The following WDFY4 variants were observed in gnomAD, a reference collection of about 807,000 sequenced individuals.
WDFY4 encodes WD repeat- and FYVE domain-containing protein 4.
Under a neutral mutation model 351.9 loss-of-function variants are expected in WDFY4, and 169 were observed. The ratio of observed to expected loss-of-function variants is 0.48; its 90% confidence interval spans 0.42 to 0.55. The LOEUF is 0.55. WDFY4 is among the 20% of genes least tolerant of loss of function. The pLI, the probability that WDFY4 is intolerant of heterozygous loss-of-function variation, is 0.00. For synonymous variants in WDFY4, 1,622 were observed against 1,574.6 expected (o/e 1.03, Z -0.71); for missense variants, 3,803 against 3,935.6 (o/e 0.97, Z 0.90).
At chr10:48,823,151 C>T (rs2067880807) in intron 35 of WDFY4, 2 of 1,300,080 alleles carry the variant, frequency 1.5e-6, no homozygotes, top group Non-Finnish European at 1.0e-6. Flanking sequence ...CTCAAAATTC[C>T]AGCATTGAAA....
intron 1 of WDFY4, among the ~76,000 whole-genome samples, chr10:48,687,601 A>T: frequency 7.0e-6 from 1 of 143,178 alleles, no homozygotes; most frequent in African/African-American, 2.6e-5. Context: ...CATTTATTTA[A>T]TAGGCCATTC....
rs529430475 is a variant in WDFY4 at position 48,874,282 on chromosome 10, C to G, written c.6948+585C>G. On this transcript the variant is annotated intron_variant, in intron 41 of 61. Transcript: ENST00000325239. ...AATGAAGCTTGAACTGTGTCGCAAA[C>G]TCTTATTTTGCCTTTTAAAAGAAAA... Among the ~76,000 whole-genome samples, 66 of 152,288 alleles carry G rather than the reference C, an allele frequency of 4.3e-4. 1 individual carries two copies. The highest frequency in any genetic ancestry group is 1.6e-3 in the African/African-American group (65 of 41,564).
chr10:48,788,031 T>TC lies in WDFY4; in HGVS notation c.3809-499_3809-498insC, dbSNP rs1565199608. The stretch of plus-strand genomic sequence containing the variant: ...TTCTCCTTCTCCTTCTCCTTCTCCT[T>TC]TTCCTTCTTCTTCTTCGACAGAGTC... On this transcript the variant is annotated intron_variant, in intron 20 of 61. Coordinates refer to ENST00000325239, the MANE Select transcript of WDFY4 (RefSeq NM_001394531.1). Among the ~76,000 whole-genome samples, 783 of 113,640 alleles carry TC rather than the reference T, an allele frequency of 6.9e-3. 36 individuals are homozygous for TC. The highest frequency in any genetic ancestry group is 0.023 in the Middle Eastern group (5 of 216). 74.6% of individuals were successfully genotyped at this position (113,640 alleles called of 152,430 possible).
intron 39 of WDFY4, among the ~76,000 whole-genome samples, chr10:48,857,850 C>T (rs904017676): frequency 7.2e-5 from 11 of 151,874 alleles, no homozygotes; most frequent in East Asian, 1.9e-4. Flanking sequence ...TGGAGTGCAA[C>T]GGTGCAGTCT....
At chr10:48,944,626 C>G (rs184824241) in intron 49 of WDFY4, among the ~76,000 whole-genome samples, 1 of 152,280 alleles carries the variant, frequency 6.6e-6, no homozygotes, top group African/African-American at 2.4e-5. Flanking sequence ...ACCTCTCATC[C>G]CTTCTTAAGA....
At chr10:48,769,783 A>G (rs1297177079) in intron 13 of WDFY4, among the ~76,000 whole-genome samples, 1 of 152,220 alleles carries the variant, frequency 6.6e-6, no homozygotes, top group Non-Finnish European at 1.5e-5. Context: ...ACAGAGAGAG[A>G]GCGATACATA....
intron 49 of WDFY4, among the ~76,000 whole-genome samples, chr10:48,944,067 C>G (rs1288669194): frequency 1.3e-5 from 2 of 152,206 alleles, no homozygotes; most frequent in Non-Finnish European, 2.9e-5. Flanking sequence ...CAAGATGGTG[C>G]CATGGGTCAG....
intron 47 of WDFY4, among the ~76,000 whole-genome samples, chr10:48,921,834 A>G (rs990452722): frequency 6.6e-6 from 1 of 152,180 alleles, no homozygotes; most frequent in Non-Finnish European, 1.5e-5. Flanking sequence ...TGGCAAGGAG[A>G]TGCTGCAACT....
intron 39 of WDFY4, among the ~76,000 whole-genome samples, chr10:48,833,881 A>T (rs1050157374): frequency 2.0e-5 from 3 of 152,206 alleles, no homozygotes; most frequent in African/African-American, 7.2e-5. Flanking sequence ...TGGCCCATGA[A>T]CTTCGGGAAA....
At chr10:48,823,607 T>C in intron 35 of WDFY4, 2 of 1,040,300 alleles carry the variant, frequency 1.9e-6, no homozygotes, top group Non-Finnish European at 2.3e-6. Context: ...AGAGGAGAAA[T>C]AGCCCTTGTC....
intron 43 of WDFY4, among the ~76,000 whole-genome samples, chr10:48,883,163 C>T (rs558633058): frequency 5.3e-5 from 8 of 152,312 alleles, no homozygotes; most frequent in African/African-American, 1.4e-4. Context: ...AGGAGGCCTT[C>T]AGGTCTCTCA....
chr10:48,896,028 A>G (rs1269253172), intron 44 of WDFY4, among the ~76,000 whole-genome samples: 4 of 152,006 alleles, frequency 2.6e-5, no homozygotes, highest in African/African-American at 4.8e-5. Flanking sequence ...CACTCCCTAC[A>G]TTTTCTCTGT....
chr10:48,941,769 G>A (rs1035309737), intron 47 of WDFY4, 37 bp from the exon 48 acceptor site: 8 of 1,550,408 alleles, frequency 5.2e-6, no homozygotes, highest in African/African-American at 4.1e-5. Context: ...TCTTGCCTTG[G>A]TATATTTAGT....
chr10:48,700,690 T>G (rs1413356995), intron 1 of WDFY4, among the ~76,000 whole-genome samples: 1 of 152,196 alleles, frequency 6.6e-6, no homozygotes, highest in East Asian at 1.9e-4. Flanking sequence ...TGGGAGTGTG[T>G]GGGGTCATGA....
chr10:48,801,590 G>T, intron 24 of WDFY4: 1 of 443,794 alleles, frequency 2.3e-6, no homozygotes, highest in South Asian at 1.6e-5. Flanking sequence ...ATGGCAGCTG[G>T]CCCACCTCTG....
At position 48,982,498 on chromosome 10, in the gene WDFY4, C is replaced by A; in HGVS notation, c.9489-11C>A. 6.7e-7 allele frequency: 1 copy of A among 1,499,014 alleles called. No homozygotes were observed. Among genetic ancestry groups the A allele is most frequent in the Admixed American group, 2.3e-5 (1 of 43,752 alleles). The allele number at this position is 1,499,014 out of a possible 1,614,324, so 92.9% of individuals were successfully genotyped here. A position where few individuals can be genotyped will look rare whatever the true frequency, so the allele number is the denominator to read the frequency against. ...CCTCTAACGTTCTTGTCTTTTCTTT[C>A]TCTTCCCAAGAAACCACACCAAACT... On this transcript the variant is annotated splice_polypyrimidine_tract_variant and intron_variant, in intron 61 of 61. Transcript: ENST00000325239.
chr10:48,914,003 G>A (rs1422736456), intron 47 of WDFY4: 2 of 1,614,088 alleles, frequency 1.2e-6, no homozygotes, highest in Non-Finnish European at 1.7e-6. Context: ...GCTCGTCCAT[G>A]TCACTAAGGC....
chr10:48,711,330 A>G (rs2063763432), intron 2 of WDFY4, among the ~76,000 whole-genome samples: 1 of 152,200 alleles, frequency 6.6e-6, no homozygotes, highest in South Asian at 2.1e-4. Context: ...TAGATTAGTA[A>G]AGATAGCTAA....
At chr10:48,945,028 A>T (rs1387887221) in intron 49 of WDFY4, among the ~76,000 whole-genome samples, 1 of 152,080 alleles carries the variant, frequency 6.6e-6, no homozygotes, top group African/African-American at 2.4e-5. Context: ...GGCATTTGAG[A>T]TAGTGACACA....
Sources: allele counts gnomAD v4.1 joint callset (sites outside exome capture counted in the v4.1 genomes callset), GRCh38; gene constraint gnomAD v4.1.1; transcripts MANE v1.5; gene names NCBI Gene and HGNC (gene_info 2026-07-23, HGNC 2026-07-21).